Variants in ADGRL3 observed in about 807,000 individuals in gnomAD.
ADGRL3 encodes calcium-independent alpha-latrotoxin receptor 3.
A neutral mutation model predicts 153.5 loss-of-function variants in ADGRL3; 62 were observed. The ratio of observed to expected loss-of-function variants is 0.40; its 90% CI spans 0.33 to 0.50. The LOEUF (loss-of-function observed/expected upper bound fraction) is 0.50, where lower values mean the gene tolerates loss of function less well. Among genes scored for constraint, ADGRL3 ranks in the 20% least tolerant of loss-of-function variants. ADGRL3 has a pLI of 0.47. For missense variants in ADGRL3, 1,641 were observed against 1,859.4 expected, an observed-to-expected ratio of 0.88 and a Z score of 2.16; for synonymous variants, 710 against 672.5, an observed-to-expected ratio of 1.06 and a Z score of -0.86.
intron 9 of ADGRL3, among the ~76,000 whole-genome samples, chr4:61,865,420 A>C (rs2098390947): frequency 6.6e-6 from 1 of 152,176 alleles, no homozygotes; most frequent in Non-Finnish European, 1.5e-5. Context: ...CAGTATACTA[A>C]AATAACCAGC....
At chr4:62,023,088 A>T (rs998900055) in intron 21 of ADGRL3, among the ~76,000 whole-genome samples, 1 of 152,136 alleles carries the variant, frequency 6.6e-6, no homozygotes, top group African/African-American at 2.4e-5. Context: ...GTCATTAAGA[A>T]CATTTGTGAT....
Position 61,200,575 on chromosome 4 carries a change from T to TGCCGCCGCC in ADGRL3, c.-1429_-1421dup, listed in dbSNP as rs1044812352. On this transcript the variant is annotated 5_prime_UTR_variant, in exon 1 of 27. Transcript: ENST00000683033. ...TCGTTGCCTCCGCTCCGGCAGCTGC[T>TGCCGCCGCC]GCCGCCGCCACCGCCGCCTGTGACT... 2.0e-5 allele frequency among the ~76,000 whole-genome samples: 3 copies of TGCCGCCGCC among 151,564 alleles called. No homozygotes were observed. The highest frequency in any genetic ancestry group is 6.6e-5 in the Admixed American group (1 of 15,230).
At chr4:61,666,506 C>T (rs1217436632) in intron 5 of ADGRL3, among the ~76,000 whole-genome samples, 2 of 147,446 alleles carry the variant, frequency 1.4e-5, no homozygotes, top group South Asian at 2.1e-4. Flanking sequence ...CCTTACAGCA[C>T]TCCATTGAAG....
intron 2 of ADGRL3, among the ~76,000 whole-genome samples, chr4:61,431,419 G>A (rs574005931): frequency 2.0e-5 from 3 of 152,252 alleles, no homozygotes; most frequent in South Asian, 2.1e-4. Context: ...CTCAATAGTC[G>A]ATGAGCCACT....
intron 6 of ADGRL3, among the ~76,000 whole-genome samples, chr4:61,693,527 C>T (rs190928381): frequency 3.3e-5 from 5 of 152,224 alleles, no homozygotes; most frequent in African/African-American, 1.2e-4. Flanking sequence ...TAAGCTGTCA[C>T]ATCAGAGTAA....
intron 1 of ADGRL3, among the ~76,000 whole-genome samples, chr4:61,239,414 C>T (rs373564693): frequency 2.6e-5 from 4 of 152,070 alleles, no homozygotes; most frequent in East Asian, 1.9e-4. Context: ...GGAGAGACTT[C>T]GTCCTATATA....
At chr4:61,294,364 C>G (rs2094332334) in intron 1 of ADGRL3, among the ~76,000 whole-genome samples, 1 of 152,012 alleles carries the variant, frequency 6.6e-6, no homozygotes, top group African/African-American at 2.4e-5. Context: ...ATGATTTTGC[C>G]CAACTGTAGG....
chr4:61,257,988 T>C (rs1485293581), intron 1 of ADGRL3, among the ~76,000 whole-genome samples: 15 of 152,128 alleles, frequency 9.9e-5, no homozygotes, highest in Admixed American at 9.8e-4. Flanking sequence ...TCTGAGTACA[T>C]ACAGGTTAGG....
rs942495015 is a variant in ADGRL3, at chr4:61,364,794, T to C, written c.-239-18330T>C. On this transcript the variant is annotated intron_variant, in intron 1 of 26. Transcript: ENST00000683033. ...AATAATCATCACCAAAATTCAGTAA[T>C]AATAGCAATGGTTACTGTAATGTTG... Among the ~76,000 whole-genome samples, 5 of 152,166 alleles carry C rather than the reference T, an allele frequency of 3.3e-5. No individual in the cohort carries two copies. The East Asian group carries it at 7.7e-4, about 23-fold the overall frequency.
intron 1 of ADGRL3, among the ~76,000 whole-genome samples, chr4:61,337,099 G>A (rs1419901334): frequency 6.6e-6 from 1 of 151,926 alleles, no homozygotes; most frequent in Non-Finnish European, 1.5e-5. Context: ...TGGCCACATT[G>A]ATTATTCCTG....
At chr4:61,420,223 T>C (rs2097187918) in intron 2 of ADGRL3, 1 of 152,152 alleles carries the variant, frequency 6.6e-6, no homozygotes, top group Non-Finnish European at 1.5e-5. Context: ...ATGATATCTT[T>C]TACATAGAGA....
At chr4:61,647,524 GA>G (rs2094071162) in intron 5 of ADGRL3, among the ~76,000 whole-genome samples, 1 of 152,012 alleles carries the variant, frequency 6.6e-6, no homozygotes, top group Non-Finnish European at 1.5e-5. Context: ...ACGTGAGGGG[GA>G]AAAAGTATTT....
At chr4:61,682,332 T>C (rs934577443) in intron 6 of ADGRL3, among the ~76,000 whole-genome samples, 2 of 151,892 alleles carry the variant, frequency 1.3e-5, no homozygotes, top group African/African-American at 2.4e-5. Context: ...TCTCCCATTC[T>C]TTCTCTCCCT....
chr4:61,867,305 C>T (rs918517242), intron 9 of ADGRL3, among the ~76,000 whole-genome samples: 1 of 151,202 alleles, frequency 6.6e-6, no homozygotes, highest in Non-Finnish European at 1.5e-5. Flanking sequence ...TTGAGACTAG[C>T]CTGAGCAACA....
chr4:61,972,568 G>A (rs2099032469), intron 17 of ADGRL3, among the ~76,000 whole-genome samples: 1 of 152,138 alleles, frequency 6.6e-6, no homozygotes, highest in South Asian at 2.1e-4. Context: ...TAGCCTTGTA[G>A]TATAGTTTGA....
intron 17 of ADGRL3, among the ~76,000 whole-genome samples, chr4:61,974,272 A>G (rs1466056991): frequency 6.6e-6 from 1 of 152,152 alleles, no homozygotes; most frequent in African/African-American, 2.4e-5. Context: ...CCTGGCCACT[A>G]TAGGCATTTT....
At chr4:61,270,784 T>G (rs1234999882) in intron 1 of ADGRL3, among the ~76,000 whole-genome samples, 2 of 151,686 alleles carry the variant, frequency 1.3e-5, no homozygotes, top group Non-Finnish European at 3.0e-5. Context: ...CCTGATTTTC[T>G]CTTTATGACT....
At chr4:61,306,252 C>T (rs2150423262) in intron 1 of ADGRL3, among the ~76,000 whole-genome samples, 1 of 152,016 alleles carries the variant, frequency 6.6e-6, no homozygotes, top group African/African-American at 2.4e-5. Context: ...TACCCGCCAC[C>T]ACGCCCGGCT....
chr4:62,025,303 C>G (rs1339491503), intron 21 of ADGRL3, among the ~76,000 whole-genome samples: 2 of 152,104 alleles, frequency 1.3e-5, no homozygotes, highest in Non-Finnish European at 2.9e-5. Flanking sequence ...AATAACATAT[C>G]CCACGTAAAA....
Sources: gnomAD v4.1 joint callset for allele counts (sites outside exome capture counted in the v4.1 genomes callset) on GRCh38, gnomAD v4.1.1 for gene constraint, MANE v1.5 for transcripts, NCBI Gene and HGNC (gene_info 2026-07-23, HGNC 2026-07-21) for gene names.